Variants in ADAM32 observed in about 807,000 individuals in gnomAD.
ADAM32 encodes disintegrin and metalloproteinase domain-containing protein 32.
A neutral mutation model predicts 114.9 loss-of-function variants in ADAM32; 89 were observed. The observed-to-expected ratio is 0.77, with a 90% CI of 0.65 to 0.92. The LOEUF (loss-of-function observed/expected upper bound fraction) is 0.92. Among genes scored for constraint, ADAM32 ranks in the 40% least tolerant of loss-of-function variants. The pLI is 0.00. For missense variants in ADAM32, 870 were observed against 932.8 expected (o/e 0.93, Z 0.88); for synonymous variants, 285 against 307.5 (o/e 0.93, Z 0.77).
At chr8:39,142,529 C>A (rs1412553183) in intron 3 of ADAM32, among the ~76,000 whole-genome samples, 1 of 152,134 alleles carries the variant, frequency 6.6e-6, no homozygotes, top group East Asian at 1.9e-4. Flanking sequence ...TGAATATTGG[C>A]CCCCACTCTC....
At chr8:39,192,841 C>T (rs1325526939) in intron 11 of ADAM32, among the ~76,000 whole-genome samples, 1 of 152,136 alleles carries the variant, frequency 6.6e-6, no homozygotes, top group Non-Finnish European at 1.5e-5. Flanking sequence ...TGAATATTGG[C>T]CTCTGGTCTC....
In ADAM32 at chr8:39,231,027, T is replaced by C. The variant is rs146882902; in HGVS notation, c.1526-1000T>C. On this transcript the variant is annotated intron_variant, in intron 14 of 24. Transcript: ENST00000379907. ...CCTTGGATAATTCCCTCCCTTTGAG[T>C]TGGGGTAGAACCAGTGAATATATGA... 7.2e-5 allele frequency among the ~76,000 whole-genome samples: 11 copies of C among 152,248 alleles called. No homozygotes were observed. The East Asian group carries it at 2.1e-3, about 29-fold the overall frequency.
intron 10 of ADAM32, among the ~76,000 whole-genome samples, chr8:39,180,912 C>T (rs1242848764): frequency 1.3e-5 from 2 of 152,222 alleles, no homozygotes; most frequent in Admixed American, 6.5e-5. Flanking sequence ...CTGTATCTAG[C>T]TGCTCTGGTG....
At chr8:39,156,784 G>A (rs914142411) in intron 6 of ADAM32, among the ~76,000 whole-genome samples, 3 of 152,106 alleles carry the variant, frequency 2.0e-5, no homozygotes, top group Non-Finnish European at 2.9e-5. Context: ...CTGTGTTTGT[G>A]TTCTAATTTT....
intron 6 of ADAM32, 105 bp from the exon 7 acceptor site, chr8:39,160,792 C>A: frequency 1.0e-6 from 1 of 972,306 alleles, no homozygotes; most frequent in Non-Finnish European, 1.5e-6. Flanking sequence ...AAAGCAAACA[C>A]CTCTGCATAT....
At chr8:39,168,995 A>C (rs1389222254) in intron 9 of ADAM32, 1 of 152,234 alleles carries the variant, frequency 6.6e-6, no homozygotes, top group Admixed American at 6.5e-5. Flanking sequence ...AATGTTTGGC[A>C]TTAGGAACAA....
intron 18 of ADAM32, 30 bp from the exon 19 acceptor site, chr8:39,257,157 G>GTTTTTTTTTTTTTTTT: frequency 7.8e-7 from 1 of 1,284,318 alleles, no homozygotes; most frequent in South Asian, 1.6e-5. Flanking sequence ...TAATTTTTTT[G>GTTTTTTTTTTTTTTTT]TTTTTTTTTT....
rs765253891 is a variant in ADAM32 at position 39,257,312 on chromosome 8, T to C, written c.2131T>C (p.Phe711Leu). Residue 711 changes from phenylalanine to leucine, a missense_variant, in exon 19 of 25, where the codon TTC (phenylalanine) becomes CTC (leucine). Physicochemically the swap from Phe to Leu is conservative, Grantham distance 22. Transcript: ENST00000379907. ...GGCAAGGAAACAGTTGAAAAAGTGG[T>C]TCGCCAAGGAAGAGGAATTCCCAAG... Reference protein sequence around the residue: ...VLARKQLKKWFAKEEEFPSSE... With the variant: ...VLARKQLKKWLAKEEEFPSSE... 4 of 1,613,392 alleles carry C rather than the reference T, an allele frequency of 2.5e-6. No homozygotes were observed. The Admixed American group carries it at 6.7e-5, about 27-fold the overall frequency.
At chr8:39,140,531 G>C (rs1803086193) in intron 3 of ADAM32, among the ~76,000 whole-genome samples, 1 of 152,142 alleles carries the variant, frequency 6.6e-6, no homozygotes, top group Non-Finnish European at 1.5e-5. Flanking sequence ...TAAGCTTTTT[G>C]ATGTGCTGCT....
chr8:39,254,562 T>C, intron 18 of ADAM32, 46 bp downstream of exon 18: 1 of 1,401,984 alleles, frequency 7.1e-7, no homozygotes, highest in Non-Finnish European at 9.6e-7. Flanking sequence ...AATTCTCAAA[T>C]TGCTTATCTT....
At chr8:39,161,224 T>A (rs567394417) in intron 7 of ADAM32, among the ~76,000 whole-genome samples, 13 of 152,156 alleles carry the variant, frequency 8.5e-5, no homozygotes, top group Non-Finnish European at 1.9e-4. Context: ...ATTTCTAGAG[T>A]CCCTCTCAAT....
intron 19 of ADAM32, among the ~76,000 whole-genome samples, chr8:39,267,099 G>T (rs1482942134): frequency 6.6e-6 from 1 of 152,226 alleles, no homozygotes; most frequent in East Asian, 1.9e-4. Flanking sequence ...ACTGGGGTGG[G>T]CCAGTGGTGG....
At position 39,238,321 on chromosome 8, in the gene ADAM32, GA is replaced by G. The variant is rs369398737; in HGVS notation, c.1818+4240del. ...CTCCACTGCGTGGCTAGACCCAGAAGAGCAGTAATGATCACTGTGGTCTGGC... is the reference window on the plus strand; with the variant it reads ...CTCCACTGCGTGGCTAGACCCAGAAGGCAGTAATGATCACTGTGGTCTGGC... On this transcript the variant is annotated intron_variant, in intron 16 of 24. Transcript: ENST00000379907. 5.7e-3 allele frequency among the ~76,000 whole-genome samples: 869 copies of G among 152,330 alleles called. 6 individuals are homozygous for G. Among genetic ancestry groups the G allele is most frequent in the South Asian group, 0.012 (60 of 4,820 alleles).
chr8:39,266,527 C>T (rs1812368014), intron 19 of ADAM32, among the ~76,000 whole-genome samples: 1 of 152,166 alleles, frequency 6.6e-6, no homozygotes, highest in Non-Finnish European at 1.5e-5. Flanking sequence ...TTATTTTTCT[C>T]TTAAAATGGC....
chr8:39,208,063 AT>A (rs937736047), intron 11 of ADAM32, among the ~76,000 whole-genome samples: 5 of 151,262 alleles, frequency 3.3e-5, no homozygotes, highest in South Asian at 2.1e-4. Context: ...TGACATTCTG[AT>A]TTTTTTTTAC....
At chr8:39,142,522 A>C (rs1803226556) in intron 3 of ADAM32, among the ~76,000 whole-genome samples, 1 of 152,194 alleles carries the variant, frequency 6.6e-6, no homozygotes, top group Non-Finnish European at 1.5e-5. Context: ...CGAATGTTGA[A>C]TATTGGCCCC....
chr8:39,113,998 AT>A (rs10707232), intron 1 of ADAM32, among the ~76,000 whole-genome samples: 65,064 of 151,920 alleles, frequency 0.43, 14,133 homozygotes, highest in East Asian at 0.58. Flanking sequence ...TGGAATCTAT[AT>A]TTTTTTCACT....
At chr8:39,267,689 G>A (rs2129451165) in intron 19 of ADAM32, among the ~76,000 whole-genome samples, 1 of 152,270 alleles carries the variant, frequency 6.6e-6, no homozygotes, top group South Asian at 2.1e-4. Context: ...AGGAAAGCAG[G>A]GGTTTTTATT....
At chr8:39,249,841 A>G (rs1316220123) in intron 17 of ADAM32, among the ~76,000 whole-genome samples, 3 of 151,982 alleles carry the variant, frequency 2.0e-5, no homozygotes, top group South Asian at 4.1e-4. Context: ...CTTGTTTGAG[A>G]GTCTTTATTT....
Sources: allele counts gnomAD v4.1 joint callset (sites outside exome capture counted in the v4.1 genomes callset), GRCh38; gene constraint gnomAD v4.1.1; transcripts MANE v1.5; gene names NCBI Gene and HGNC (gene_info 2026-07-23, HGNC 2026-07-21).